UNC5D: variants seen among roughly 807,000 people sequenced by gnomAD.
The protein encoded by UNC5D is netrin receptor UNC5D.
Under a neutral mutation model 105.4 loss-of-function variants are expected in UNC5D, and 39 were observed. That is an observed-to-expected ratio of 0.37 (90% confidence interval 0.29 to 0.48). The LOEUF (loss-of-function observed/expected upper bound fraction) is 0.48, where lower values mean the gene tolerates loss of function less well. Among genes scored for constraint, UNC5D ranks in the 20% least tolerant of loss-of-function variants. UNC5D has a pLI of 0.98. For missense variants in UNC5D, 991 were observed against 1,202.4 expected (o/e 0.82, Z 2.60); for synonymous variants, 452 against 450.4 (o/e 1.00, Z -0.04).
chr8:35,439,647 G>A (rs1807263666), intron 1 of UNC5D, among the ~76,000 whole-genome samples: 2 of 152,012 alleles, frequency 1.3e-5, no homozygotes, highest in African/African-American at 4.8e-5. Context: ...ATAGACTAAG[G>A]TATATCTGAG....
At chr8:35,576,848 C>T (rs1187533032) in intron 3 of UNC5D, among the ~76,000 whole-genome samples, 1 of 152,078 alleles carries the variant, frequency 6.6e-6, no homozygotes, top group South Asian at 2.1e-4. Flanking sequence ...CTCCTGACCT[C>T]GTGATCCTCC....
intron 4 of UNC5D, among the ~76,000 whole-genome samples, chr8:35,635,301 C>T (rs1304420530): frequency 1.3e-5 from 2 of 152,116 alleles, no homozygotes; most frequent in South Asian, 2.1e-4. Flanking sequence ...TGTATTGATA[C>T]CTCTCTTGCT....
chr8:35,684,544 TC>T (rs1825882985), intron 5 of UNC5D, 37 bp from the exon 6 acceptor site: 1 of 1,599,192 alleles, frequency 6.3e-7, no homozygotes, highest in African/African-American at 1.3e-5. Context: ...TAAAAACCTC[TC>T]TCCTTTTTTT....
At chr8:35,311,418 G>A (rs367774842) in intron 1 of UNC5D, among the ~76,000 whole-genome samples, 23 of 152,242 alleles carry the variant, frequency 1.5e-4, no homozygotes, top group African/African-American at 5.5e-4. Flanking sequence ...GGTTTTGTGC[G>A]AGCTTGGCTG....
intron 1 of UNC5D, among the ~76,000 whole-genome samples, chr8:35,246,719 CA>C (rs1194994305): frequency 1.3e-5 from 2 of 152,108 alleles, no homozygotes; most frequent in Non-Finnish European, 2.9e-5. Context: ...CAGTTTGTCT[CA>C]AATCAATGAC....
intron 4 of UNC5D, among the ~76,000 whole-genome samples, chr8:35,653,097 T>G (rs1435364557): frequency 6.6e-6 from 1 of 151,860 alleles, no homozygotes; most frequent in African/African-American, 2.4e-5. Context: ...ACCTGGCTAG[T>G]TTTTGTATTT....
chr8:35,499,682 G>T (rs1228640710), intron 1 of UNC5D, among the ~76,000 whole-genome samples: 1 of 152,150 alleles, frequency 6.6e-6, no homozygotes, highest in Non-Finnish European at 1.5e-5. Context: ...GGGAGGAATA[G>T]GGCCCAGGAC....
intron 1 of UNC5D, among the ~76,000 whole-genome samples, chr8:35,473,304 G>A (rs948738730): frequency 6.6e-5 from 10 of 152,134 alleles, no homozygotes; most frequent in Admixed American, 4.6e-4. Context: ...GCAAATTAGC[G>A]AACTCAGATT....
chr8:35,608,806 T>TTACC (rs10656888), intron 4 of UNC5D, among the ~76,000 whole-genome samples: 1 of 151,680 alleles, frequency 6.6e-6, no homozygotes, highest in Non-Finnish European at 1.5e-5. Context: ...TACATTTTCT[T>TTACC]TAAATTCATT....
intron 1 of UNC5D, among the ~76,000 whole-genome samples, chr8:35,486,946 T>G (rs1435874324): frequency 1.3e-5 from 2 of 152,098 alleles, no homozygotes; most frequent in African/African-American, 2.4e-5. Flanking sequence ...GGATTCTCAG[T>G]TTTAAGGCTC....
At chr8:35,403,113 A>G (rs973824947) in intron 1 of UNC5D, among the ~76,000 whole-genome samples, 11 of 152,218 alleles carry the variant, frequency 7.2e-5, no homozygotes, top group Non-Finnish European at 1.5e-4. Flanking sequence ...TATATTTACT[A>G]ATCAGGCCAG....
At chr8:35,611,823 A>T (rs927514499) in intron 4 of UNC5D, among the ~76,000 whole-genome samples, 1 of 152,096 alleles carries the variant, frequency 6.6e-6, no homozygotes, top group Non-Finnish European at 1.5e-5. Context: ...ACTTTTTTAT[A>T]CTCCCTAATT....
At chr8:35,469,441 C>T (rs1045644054) in intron 1 of UNC5D, among the ~76,000 whole-genome samples, 3 of 152,058 alleles carry the variant, frequency 2.0e-5, no homozygotes, top group Non-Finnish European at 4.4e-5. Context: ...CTAAAGAGCC[C>T]ATAGATTACC....
At chr8:35,784,712 C>T (rs1802664999) in intron 16 of UNC5D, among the ~76,000 whole-genome samples, 1 of 152,128 alleles carries the variant, frequency 6.6e-6, no homozygotes, top group Admixed American at 6.5e-5. Flanking sequence ...CATACTACTG[C>T]ACTCCAGCCT....
chr8:35,707,752 G>A (rs1827680284), intron 8 of UNC5D, among the ~76,000 whole-genome samples: 1 of 152,082 alleles, frequency 6.6e-6, no homozygotes, highest in Non-Finnish European at 1.5e-5. Context: ...TTCTAATTTG[G>A]TTACATCTGT....
chr8:35,538,076 A>G (rs968282713), intron 1 of UNC5D, among the ~76,000 whole-genome samples: 1 of 152,078 alleles, frequency 6.6e-6, no homozygotes, highest in Non-Finnish European at 1.5e-5. Flanking sequence ...TGTACAAAGT[A>G]TTATGGAAGA....
In UNC5D at chr8:35,796,371, AG is replaced by A. The variant is rs2131835796; in HGVS notation, c.*5809del. On this transcript the variant is annotated 3_prime_UTR_variant, in exon 17 of 17. Coordinates refer to ENST00000404895, the MANE Select transcript of UNC5D (RefSeq NM_080872.4). ...ACATATATATTTGGTAATGCCAAAC[AG>A]CTCTGTTATATTGTATTGAACAAAA... 1 of 145,122 alleles carries A rather than the reference AG, an allele frequency of 6.9e-6. No homozygotes were observed. Among genetic ancestry groups the A allele is most frequent in the South Asian group, 2.2e-4 (1 of 4,492 alleles). The allele number at this position is 145,122 out of a possible 1,614,324, so 9.0% of individuals were successfully genotyped here. A position where few individuals can be genotyped will look rare whatever the true frequency, so the allele number is the denominator to read the frequency against.
At chr8:35,664,682 T>C (rs1018028601) in intron 4 of UNC5D, among the ~76,000 whole-genome samples, 1 of 152,020 alleles carries the variant, frequency 6.6e-6, no homozygotes, top group African/African-American at 2.4e-5. Flanking sequence ...CCTGGCCTAA[T>C]GATTGGTTCT....
In UNC5D at chr8:35,535,047, TA is replaced by T. The variant is rs371500125; in HGVS notation, c.104-14243del. Among the ~76,000 whole-genome samples the T allele has an allele frequency of 3.2e-4, 49 of 152,274 alleles. 1 individual carries two copies. In the South Asian group the frequency reaches 9.8e-3, roughly 30 times the overall value. On this transcript the variant is annotated intron_variant, in intron 1 of 16. Transcript: ENST00000404895. ...ACCAAGTAATATTGGTTGTTTCTTT[TA>T]ATTTCAAAACCTGTACAGTAGTAAT...
Sources: allele counts gnomAD v4.1 joint callset (sites outside exome capture counted in the v4.1 genomes callset), GRCh38; gene constraint gnomAD v4.1.1; transcripts MANE v1.5; gene names NCBI Gene and HGNC (gene_info 2026-07-23, HGNC 2026-07-21).